The following ADARB2 variants were observed in gnomAD, a reference collection of about 807,000 sequenced individuals.
ADARB2 encodes the protein adenosine deaminase RNA specific B2 (inactive).
ADARB2 carries 25 observed loss-of-function variants against 62.2 expected under a neutral mutation model. The ratio of observed to expected loss-of-function variants is 0.40; its 90% confidence interval spans 0.29 to 0.56. ADARB2 has a LOEUF of 0.56. Ranked by LOEUF, ADARB2 falls within the 20% of genes least tolerant of loss-of-function variation. The pLI is 0.43. For synonymous variants in ADARB2, 572 were observed against 500.8 expected, an observed-to-expected ratio of 1.14 and a Z score of -1.90; for missense variants, 1,071 against 1,077.4, an observed-to-expected ratio of 0.99 and a Z score of 0.08.
chr10:1,679,190 C>A (rs1834505874), intron 1 of ADARB2, among the ~76,000 whole-genome samples: 1 of 152,168 alleles, frequency 6.6e-6, no homozygotes, highest in Non-Finnish European at 1.5e-5. Context: ...AGGAGCTGCC[C>A]TCTCCTTCAT....
Position 1,244,634 on chromosome 10 carries a change from C to G in ADARB2, c.1193-2335G>C, listed in dbSNP as rs537288981. The stretch of plus-strand genomic sequence containing the variant: ...AGCACCACGTTCCCAACACAGGAGA[C>G]GCGAAGCCTGGACCGAGGGAGATGA... On this transcript the variant is annotated intron_variant, in intron 4 of 9. Transcript: ENST00000381312. Among the ~76,000 whole-genome samples the G allele has an allele frequency of 2.8e-4, 43 of 152,280 alleles. 1 individual carries two copies. The highest frequency in any genetic ancestry group is 2.2e-3 in the Admixed American group (34 of 15,302).
At chr10:1,492,376 A>G (rs1158872581) in intron 1 of ADARB2, among the ~76,000 whole-genome samples, 1 of 152,274 alleles carries the variant, frequency 6.6e-6, no homozygotes, top group Middle Eastern at 3.4e-3. Flanking sequence ...GAGTGGGTCC[A>G]TGGTCCAGTA....
chr10:1,569,035 G>A (rs1049920350), intron 1 of ADARB2, among the ~76,000 whole-genome samples: 1 of 151,722 alleles, frequency 6.6e-6, no homozygotes, highest in Non-Finnish European at 1.5e-5. Context: ...AGACAGAGCG[G>A]GACAGAGATA....
At position 1,690,308 on chromosome 10, in the gene ADARB2, G is replaced by A. The variant is rs180793707; in HGVS notation, c.100+46743C>T. 1.5e-4 allele frequency among the ~76,000 whole-genome samples: 23 copies of A among 152,328 alleles called. No homozygotes were observed. In the South Asian group the frequency reaches 1.7e-3, roughly 11 times the overall value. ...ATACCTAATTAAATGTGAACAAGCC[G>A]TTTTGGATGTTAGCAACTTATGACA... On this transcript the variant is annotated intron_variant, in intron 1 of 9. Coordinates refer to ENST00000381312, the MANE Select transcript of ADARB2 (RefSeq NM_018702.4).
At chr10:1,247,401 T>G (rs1830996051) in intron 4 of ADARB2, among the ~76,000 whole-genome samples, 1 of 152,244 alleles carries the variant, frequency 6.6e-6, no homozygotes, top group African/African-American at 2.4e-5. Context: ...CATCCCTGTC[T>G]TGTGCCAGTT....
At chr10:1,683,170 AC>A (rs1375580957) in intron 1 of ADARB2, among the ~76,000 whole-genome samples, 1 of 152,178 alleles carries the variant, frequency 6.6e-6, no homozygotes, top group African/African-American at 2.4e-5. Context: ...ATAGGGAGAA[AC>A]AAATAGCGCT....
chr10:1,577,776 C>G (rs1396839463), intron 1 of ADARB2, among the ~76,000 whole-genome samples: 1 of 152,208 alleles, frequency 6.6e-6, no homozygotes, highest in Non-Finnish European at 1.5e-5. Flanking sequence ...CCCTAACCCC[C>G]AGGACATCAG....
At chr10:1,266,190 A>G (rs1273107884) in intron 4 of ADARB2, among the ~76,000 whole-genome samples, 1 of 152,180 alleles carries the variant, frequency 6.6e-6, no homozygotes, top group Admixed American at 6.5e-5. Flanking sequence ...CGGCGCCGAG[A>G]AGGAGTGGTG....
At chr10:1,417,190 T>TAAGACAGTCAAGTAGTGTAGACC in intron 1 of ADARB2, among the ~76,000 whole-genome samples, 1 of 148,240 alleles carries the variant, frequency 6.7e-6, no homozygotes, top group South Asian at 2.2e-4. Context: ...AAGTGTAGAT[T>TAAGACAGTCAAGTAGTGTAGACC]AAGACAGTCA....
intron 1 of ADARB2, among the ~76,000 whole-genome samples, chr10:1,482,047 C>T (rs1317497794): frequency 6.6e-6 from 1 of 152,170 alleles, no homozygotes; most frequent in East Asian, 1.9e-4. Context: ...TGAGAGACCA[C>T]TTCATACCCA....
chr10:1,275,938 G>T (rs199724733), intron 3 of ADARB2, among the ~76,000 whole-genome samples: 1 of 151,880 alleles, frequency 6.6e-6, no homozygotes, highest in African/African-American at 2.4e-5. Flanking sequence ...CCAAGTCTTC[G>T]CTATTGTGAA....
intron 1 of ADARB2, among the ~76,000 whole-genome samples, chr10:1,646,588 C>T (rs1834045693): frequency 6.6e-6 from 1 of 152,228 alleles, no homozygotes; most frequent in Non-Finnish European, 1.5e-5. Flanking sequence ...GTCAGGTTGA[C>T]CCCACTGGCA....
intron 7 of ADARB2, among the ~76,000 whole-genome samples, chr10:1,211,017 G>A (rs905452158): frequency 6.6e-6 from 1 of 152,098 alleles, no homozygotes; most frequent in Non-Finnish European, 1.5e-5. Flanking sequence ...GCCCACCAAG[G>A]TGTTGCCAAT....
chr10:1,221,562 C>T (rs1830695508), intron 6 of ADARB2, among the ~76,000 whole-genome samples: 2 of 150,552 alleles, frequency 1.3e-5, no homozygotes, highest in South Asian at 2.1e-4. Flanking sequence ...TGCTATCCCT[C>T]CCCCCTCACC....
intron 1 of ADARB2, among the ~76,000 whole-genome samples, chr10:1,669,767 AAC>A (rs919863177): frequency 3.4e-5 from 5 of 148,406 alleles, no homozygotes; most frequent in Admixed American, 1.3e-4. Flanking sequence ...CATAGAGAAA[AAC>A]ACACAGACAC....
intron 4 of ADARB2, among the ~76,000 whole-genome samples, chr10:1,253,251 C>T (rs144722236): frequency 2.6e-5 from 4 of 152,344 alleles, no homozygotes; most frequent in African/African-American, 7.2e-5. Context: ...TTTCCATCTG[C>T]AACCAGGATG....
At chr10:1,258,035 G>A (rs1453756121) in intron 4 of ADARB2, among the ~76,000 whole-genome samples, 3 of 152,232 alleles carry the variant, frequency 2.0e-5, no homozygotes, top group East Asian at 1.9e-4. Context: ...CCCTGTCAAC[G>A]ATGATTAACT....
At chr10:1,258,099 T>G (rs895431114) in intron 4 of ADARB2, among the ~76,000 whole-genome samples, 1 of 152,190 alleles carries the variant, frequency 6.6e-6, no homozygotes, top group African/African-American at 2.4e-5. Context: ...TTCCTTCTCC[T>G]TCCCTTTCCT....
intron 3 of ADARB2, among the ~76,000 whole-genome samples, chr10:1,346,113 T>C (rs977890544): frequency 3.3e-5 from 5 of 152,270 alleles, no homozygotes; most frequent in African/African-American, 1.2e-4. Context: ...TGTTCGCCTT[T>C]AATTTTGAAT....
Sources: allele counts gnomAD v4.1 joint callset (sites outside exome capture counted in the v4.1 genomes callset), GRCh38; gene constraint gnomAD v4.1.1; transcripts MANE v1.5; gene names NCBI Gene and HGNC (gene_info 2026-07-23, HGNC 2026-07-21).